The following FANCA variants were observed in gnomAD, a reference collection of about 807,000 sequenced individuals.
The protein encoded by FANCA is FA complementation group A.
A neutral mutation model predicts 194.3 loss-of-function variants in FANCA; 236 were observed. The observed-to-expected ratio is 1.21, with a 90% CI of 1.09 to 1.35. FANCA has a LOEUF of 1.35. Among genes scored for constraint, FANCA ranks in the 40% most tolerant of loss-of-function variants. FANCA has a pLI of 0.00. For synonymous variants in FANCA, 1,014 were observed against 715.8 expected, an observed-to-expected ratio of 1.42 and a Z score of -6.65; for missense variants, 2,628 against 1,813.9, an observed-to-expected ratio of 1.45 and a Z score of -8.15.
At chr16:89,810,295 C>T (rs1435041087) in intron 5 of FANCA, among the ~76,000 whole-genome samples, 4 of 150,840 alleles carry the variant, frequency 2.7e-5, no homozygotes, top group African/African-American at 9.8e-5. Context: ...TGCACTCCAG[C>T]CTGTGCGACA....
At chr16:89,743,553 G>T (rs2062182597) in intron 36 of FANCA, among the ~76,000 whole-genome samples, 1 of 152,204 alleles carries the variant, frequency 6.6e-6, no homozygotes, top group Non-Finnish European at 1.5e-5. Context: ...GCAGGGCGTG[G>T]TGGTTCACGC....
Position 89,739,533 on chromosome 16 carries a change from G to A in FANCA, c.3955C>T (p.Leu1319Phe), listed in dbSNP as rs751323746. The change falls in exon 40 of 43, where the codon CTC becomes TTC. Residue 1319 changes from leucine to phenylalanine, a missense_variant. Leu to Phe is a conservative substitution (Grantham distance 22, BLOSUM62 0). Transcript: ENST00000389301. ...TGCTGATCCGGGGCCACACGGAGGA[G>A]GAGCCGCCCCAGCCTGAGGTCTGCA... Reference protein sequence around the residue: ...TESDLRLGRLLLRVAPDQHTR... With the variant: ...TESDLRLGRLFLRVAPDQHTR... The A allele has an allele frequency of 1.9e-6, 3 of 1,551,392 alleles. No homozygotes were observed. Among genetic ancestry groups the A allele is most frequent in the South Asian group, 2.4e-5 (2 of 84,074 alleles).
At chr16:89,799,376 C>T in intron 9 of FANCA, 144 bp from the exon 10 acceptor site, 1 of 1,028,130 alleles carries the variant, frequency 9.7e-7, no homozygotes, top group Non-Finnish European at 1.5e-6. Flanking sequence ...AATCTGTAGG[C>T]CTTAATCAAA....
intron 14 of FANCA, among the ~76,000 whole-genome samples, chr16:89,785,858 G>GT (rs1469531630): frequency 7.2e-6 from 1 of 138,040 alleles, no homozygotes; most frequent in Admixed American, 7.7e-5. Flanking sequence ...ATTGTGTTTT[G>GT]TTTTTTTTTT....
chr16:89,770,735 G>T, intron 23 of FANCA, 101 bp from the exon 24 acceptor site: 1 of 1,040,958 alleles, frequency 9.6e-7, no homozygotes, highest in Non-Finnish European at 1.5e-6. Context: ...ATTCTGCTTT[G>T]CAAAAAGACC....
At chr16:89,816,032 A>C in intron 1 of FANCA, 46 bp from the exon 2 acceptor site, 4 of 1,457,254 alleles carry the variant, frequency 2.7e-6, no homozygotes, top group Non-Finnish European at 3.9e-6. Context: ...CAATTCACAC[A>C]CGGGGTCCCC....
chr16:89,746,682 G>T lies in FANCA; in HGVS notation c.3415C>A (p.Leu1139Met). Residue 1139 changes from leucine (L) to methionine (M), a missense_variant, in exon 35 of 43, where the codon CTG becomes ATG. Transcript: ENST00000389301. Reference protein sequence around the residue: ...DITAHFFRGLLNACLRSRDPS... With the variant: ...DITAHFFRGLMNACLRSRDPS... ...TCTCTGCTCCGCAGACAGGCGTTCA[G>T]GAGGCCCTGCAGGAGAGAACGCAGC... The T allele has an allele frequency of 6.2e-7, 1 of 1,614,098 alleles. No homozygotes were observed. Among genetic ancestry groups the T allele is most frequent in the South Asian group, 1.1e-5 (1 of 91,078 alleles).
chr16:89,796,379 C>T (rs533709892), intron 10 of FANCA, among the ~76,000 whole-genome samples: 2 of 152,234 alleles, frequency 1.3e-5, no homozygotes, highest in South Asian at 2.1e-4. Flanking sequence ...GGGGCCTCAG[C>T]GGCACCCTCT....
chr16:89,791,217 G>A, intron 14 of FANCA, 186 bp downstream of exon 14: 1 of 741,208 alleles, frequency 1.3e-6, no homozygotes, highest in Non-Finnish European at 2.3e-6. Context: ...GATCCGCTGA[G>A]GCCCCGACAG....
intron 8 of FANCA, among the ~76,000 whole-genome samples, chr16:89,800,642 A>G (rs954035854): frequency 6.6e-6 from 1 of 152,232 alleles, no homozygotes; most frequent in African/African-American, 2.4e-5. Flanking sequence ...TAGAAATCAC[A>G]CTGCCTGAGG....
At chr16:89,776,471 A>T (rs991547006) in intron 20 of FANCA, among the ~76,000 whole-genome samples, 38 of 151,614 alleles carry the variant, frequency 2.5e-4, no homozygotes, top group Non-Finnish European at 4.1e-4. Context: ...CCAGCAAAAC[A>T]TGAATCTTTG....
At position 89,739,518 on chromosome 16, in the gene FANCA, G is replaced by C; in HGVS notation, c.3970C>G (p.Pro1324Ala). 6.4e-7 allele frequency: 1 copy of C among 1,551,384 alleles called. No homozygotes were observed. Among genetic ancestry groups the C allele is most frequent in the Non-Finnish European group, 8.7e-7 (1 of 1,147,114 alleles). Residue 1324 changes from proline (P) to alanine (A), a missense_variant, in exon 40 of 43, where the codon CCG (proline) becomes GCG (alanine). Coordinates refer to ENST00000389301, the MANE Select transcript of FANCA (RefSeq NM_000135.4). The part of the protein sequence containing the change: ...RLGRLLLRVA[P>A]DQHTRLLPFA... ...GGCAGCAGCCTGGTGTGCTGATCCG[G>C]GGCCACACGGAGGAGGAGCCGCCCC...
rs17225824 is a variant in FANCA at position 89,810,529 on chromosome 16, T to C, written c.522+178A>G. 5.3e-3 allele frequency: 3,267 copies of C among 621,578 alleles called. 17 individuals are homozygous for C. Among genetic ancestry groups the C allele is most frequent in the Admixed American group, 8.4e-3 (309 of 36,710 alleles). The allele number at this position is 621,578 out of a possible 1,614,324, so 38.5% of individuals were successfully genotyped here. A position where few individuals can be genotyped will look rare whatever the true frequency, so the allele number is the denominator to read the frequency against. On this transcript the variant is annotated intron_variant, in intron 5 of 42. Transcript: ENST00000389301. Reference sequence around the variant, plus strand: ...GGTGAATAGGGACAAAAAATGGCAATTGAAGGTACTTCTTTCCAATCCACA... The same window carrying C: ...GGTGAATAGGGACAAAAAATGGCAACTGAAGGTACTTCTTTCCAATCCACA...
Position 89,779,953 on chromosome 16 carries a change from T to TG in FANCA, c.1630dup (p.His544ProfsTer9), listed in dbSNP as rs1598129626. 1.2e-5 allele frequency: 19 copies of TG among 1,614,076 alleles called. No individual in the cohort carries two copies. Among genetic ancestry groups the TG allele is most frequent in the Non-Finnish European group, 1.6e-5 (19 of 1,179,984 alleles). ...TTCAACATCCTGAAGAGCTTGGCTG[T>TG]GGGGCTGGTTCCCATACAGGGAGGA... On this transcript the variant is annotated frameshift_variant, in exon 18 of 43. Coordinates refer to ENST00000389301, the MANE Select transcript of FANCA (RefSeq NM_000135.4). LOFTEE classifies it high-confidence loss of function.
intron 28 of FANCA, 89 bp from the exon 29 acceptor site, chr16:89,762,111 A>T: frequency 1.0e-6 from 1 of 969,150 alleles, no homozygotes; most frequent in South Asian, 1.3e-5. Context: ...ATTTCATCTC[A>T]TACGCAGTCC....
chr16:89,801,887 CA>C (rs903618190), intron 8 of FANCA, among the ~76,000 whole-genome samples: 5 of 149,702 alleles, frequency 3.3e-5, no homozygotes, highest in African/African-American at 9.8e-5. Flanking sequence ...GACACCGTCT[CA>C]AAAAAACACA....
chr16:89,806,806 C>A (rs551726700), intron 6 of FANCA, among the ~76,000 whole-genome samples: 1 of 152,236 alleles, frequency 6.6e-6, no homozygotes. Flanking sequence ...ACCCTTCCCC[C>A]CTTTGTATTC....
In FANCA at chr16:89,738,767, GAGGGGCTCTGGCAGAA is replaced by G. The variant is rs751166862; in HGVS notation, c.4261-75_4261-60del. 4.8e-5 allele frequency: 78 copies of G among 1,612,574 alleles called. No homozygotes were observed. In the East Asian group the frequency reaches 1.6e-3, roughly 33 times the overall value. On this transcript the variant is annotated intron_variant, in intron 42 of 42. Coordinates refer to ENST00000389301, the MANE Select transcript of FANCA (RefSeq NM_000135.4). ...GCCCACTAGGCCTCAGACCACAGGG[GAGGGGCTCTGGCAGAA>G]ATAGTCGAGTTGTATTGCCAGCCAG...
intron 33 of FANCA, among the ~76,000 whole-genome samples, chr16:89,748,444 G>A (rs1380630584): frequency 6.6e-6 from 1 of 152,224 alleles, no homozygotes; most frequent in East Asian, 1.9e-4. Flanking sequence ...CTTGGGAGAA[G>A]GCAACCTACA....
Sources: allele counts gnomAD v4.1 joint callset (sites outside exome capture counted in the v4.1 genomes callset), GRCh38; gene constraint gnomAD v4.1.1; transcripts MANE v1.5; gene names NCBI Gene and HGNC (gene_info 2026-07-23, HGNC 2026-07-21).